GTSE1: variants seen among roughly 807,000 people sequenced by gnomAD.
GTSE1 encodes the protein G2 and S-phase expressed 1, also known as G2 and S phase-expressed protein 1.
GTSE1 carries 52 observed loss-of-function variants against 60.5 expected under a neutral mutation model. That is an observed-to-expected ratio of 0.86 (90% CI 0.69 to 1.08). The LOEUF (loss-of-function observed/expected upper bound fraction) is 1.08, where lower values mean the gene tolerates loss of function less well. Ranked by LOEUF, GTSE1 falls within the 50% of genes least tolerant of loss-of-function variation. The pLI is 0.00. For synonymous variants in GTSE1, 368 were observed against 386.5 expected, an observed-to-expected ratio of 0.95 and a Z score of 0.56; for missense variants, 937 against 961.8, an observed-to-expected ratio of 0.97 and a Z score of 0.34.
chr22:46,323,105 A>T, intron 7 of GTSE1, 85 bp from the exon 8 acceptor site: 3 of 880,206 alleles, frequency 3.4e-6, no homozygotes, highest in Non-Finnish European at 5.9e-6. Context: ...ATACTCGGAG[A>T]ATTGCCCATT....
chr22:46,298,338 C>T (rs1043892813), intron 2 of GTSE1, among the ~76,000 whole-genome samples: 4 of 151,876 alleles, frequency 2.6e-5, no homozygotes, highest in African/African-American at 7.3e-5. Flanking sequence ...GACCAAGTCT[C>T]ACTCTGTCTC....
In GTSE1 at chr22:46,312,364, G is replaced by A; in HGVS notation, c.927+59G>A. The A allele has an allele frequency of 3.3e-6, 5 of 1,499,302 alleles. No homozygotes were observed. In the South Asian group the frequency reaches 3.8e-5, roughly 11 times the overall value. 92.9% of individuals were successfully genotyped at this position (1,499,302 alleles called of 1,614,324 possible). ...GCTGGGAATGAGGTGGCAGCTGTGT[G>A]TACAAGTGCTTTGGATTAAAATCCC... On this transcript the variant is annotated intron_variant, in intron 5 of 11. Coordinates refer to ENST00000454366, the MANE Select transcript of GTSE1 (RefSeq NM_016426.7).
At position 46,309,002 on chromosome 22, in the gene GTSE1, C is replaced by G. The variant is rs1205355541; in HGVS notation, c.762+59C>G. 9 of 1,530,028 alleles carry G rather than the reference C, an allele frequency of 5.9e-6. No homozygotes were observed. Among genetic ancestry groups the G allele is most frequent in the African/African-American group, 1.4e-5 (1 of 72,392 alleles). 94.8% of individuals were successfully genotyped at this position (1,530,028 alleles called of 1,614,324 possible). Reference sequence around the variant, plus strand: ...CCCCCACTCCTTGCCCCTCAGCCCTCTCACAGAAGCCACATGCGGAAAGCC... The same window carrying G: ...CCCCCACTCCTTGCCCCTCAGCCCTGTCACAGAAGCCACATGCGGAAAGCC... On this transcript the variant is annotated intron_variant, in intron 4 of 11. Transcript: ENST00000454366. This position sits in a 1 kb window ranked among gnomAD's most constrained non-coding sequence, Gnocchi z 6.2.
At chr22:46,322,014 C>T (rs928903054) in intron 7 of GTSE1, among the ~76,000 whole-genome samples, 2 of 132,564 alleles carry the variant, frequency 1.5e-5, no homozygotes, top group Admixed American at 8.8e-5. Flanking sequence ...GCGGAGGTTG[C>T]GGTAAGCCGA....
At chr22:46,322,073 CA>C (rs769915567) in intron 7 of GTSE1, among the ~76,000 whole-genome samples, 5,259 of 44,602 alleles carry the variant, frequency 0.12, 38 homozygotes, top group Non-Finnish European at 0.16. Flanking sequence ...GACTCTGTCT[CA>C]AAAAAAAAAA....
Position 46,312,148 on chromosome 22 carries a change from AAG to A in GTSE1, c.774_775del (p.Glu258AspfsTer4), listed in dbSNP as rs757970094. 1.9e-6 allele frequency: 3 copies of A among 1,612,110 alleles called. No homozygotes were observed. In the East Asian group the frequency reaches 6.7e-5, roughly 36 times the overall value. On this transcript the variant is annotated frameshift_variant, in exon 5 of 12. Coordinates refer to ENST00000454366, the MANE Select transcript of GTSE1 (RefSeq NM_016426.7). LOFTEE classifies it high-confidence loss of function. Reference sequence around the variant, plus strand: ...TCAAATTAAAATTTTCAGCCCAAGAAAGAGATTCCAGCTAGTCCTTCCAGGAC... The same window carrying A: ...TCAAATTAAAATTTTCAGCCCAAGAAAGATTCCAGCTAGTCCTTCCAGGAC...
Position 46,330,142 on chromosome 22 carries a change from T to C in GTSE1, c.*12T>C, listed in dbSNP as rs758770397. On this transcript the variant is annotated 3_prime_UTR_variant, in exon 12 of 12. Transcript: ENST00000454366. This position sits in a 1 kb window ranked among gnomAD's most constrained non-coding sequence, Gnocchi z 6.0. The stretch of plus-strand genomic sequence containing the variant: ...TCCTCAAGTTCTAAGCCGAACCAAA[T>C]CCTTTGCCTTGAAAGAACAGCCCTA... 7 of 1,543,738 alleles carry C rather than the reference T, an allele frequency of 4.5e-6. No homozygotes were observed. In the Admixed American group the frequency reaches 1.2e-4, roughly 26 times the overall value.
Position 46,328,817 on chromosome 22 carries a change from T to G in GTSE1, c.1854T>G (p.Thr618=). 6.8e-6 allele frequency: 11 copies of G among 1,614,112 alleles called. No homozygotes were observed. The highest frequency in any genetic ancestry group is 9.3e-6 in the Non-Finnish European group (11 of 1,180,012). The part of the protein sequence containing the change: ...LNFSPEESDS[T]FSKSTATEVA... ...TTTCTCCAGAGGAAAGCGATTCTAC[T>G]TTCTCCAAAAGTACTGCCACAGAAG... Residue 618 remains threonine (T), a synonymous_variant, in exon 10 of 12, where the codon ACT becomes ACG. Transcript: ENST00000454366.
intron 2 of GTSE1, among the ~76,000 whole-genome samples, chr22:46,300,794 T>A (rs767912786): frequency 7.2e-5 from 11 of 152,134 alleles, no homozygotes; most frequent in Non-Finnish European, 1.0e-4. Flanking sequence ...CTGGATTCTT[T>A]TTCCACGCCA....
rs989221864 is a variant in GTSE1, at chr22:46,317,254, A to G, written c.1432+842A>G. ...ACTGCTGGGATTATAGGTGTGAGCC[A>G]CCGTGCCCGGCCCAGCCTTTTTCCT... On this transcript the variant is annotated intron_variant, in intron 7 of 11. Coordinates refer to ENST00000454366, the MANE Select transcript of GTSE1 (RefSeq NM_016426.7). The surrounding 1 kb of genome is among the most constrained non-coding windows in gnomAD (Gnocchi z 5.6). Among the ~76,000 whole-genome samples, 2 of 152,206 alleles carry G rather than the reference A, an allele frequency of 1.3e-5. No individual in the cohort carries two copies. Among genetic ancestry groups the G allele is most frequent in the African/African-American group, 4.8e-5 (2 of 41,452 alleles).
At chr22:46,305,236 T>C (rs2077709327) in intron 2 of GTSE1, among the ~76,000 whole-genome samples, 1 of 152,248 alleles carries the variant, frequency 6.6e-6, no homozygotes, top group Non-Finnish European at 1.5e-5. Flanking sequence ...ATTTCACCAG[T>C]TATTTTATGA....
rs201815677 is a variant in GTSE1 at position 46,326,464 on chromosome 22, C to A, written c.1534C>A (p.Arg512Ser). 366 of 1,608,930 alleles carry A rather than the reference C, an allele frequency of 2.3e-4. 1 individual carries two copies. Among genetic ancestry groups the A allele is most frequent in the Non-Finnish European group, 2.9e-5 (34 of 1,175,878 alleles). The change falls in exon 9 of 12, where the codon CGC becomes AGC. Residue 512 changes from arginine (R) to serine (S), a missense_variant. Arg to Ser is a moderately radical substitution (Grantham distance 110, BLOSUM62 -1). Coordinates refer to ENST00000454366, the MANE Select transcript of GTSE1 (RefSeq NM_016426.7). ...CACTGTCCACAGCACCCCGGTTAGA[C>A]GCTCATCTGGGCCAGCACCACAAAG... is the stretch of plus-strand genomic sequence containing the variant. ...RVTVHSTPVR[R>S]SSGPAPQSLL...
chr22:46,301,095 T>C lies in GTSE1; in HGVS notation c.79+3616T>C, dbSNP rs556221330. 2.0e-5 allele frequency among the ~76,000 whole-genome samples: 3 copies of C among 152,358 alleles called. No individual in the cohort carries two copies. The South Asian group carries it at 6.2e-4, about 32-fold the overall frequency. ...ACACATGAAGAGCATTACTAGCTTT[T>C]GTACCTATATAGGGTTCCACCTTGG... On this transcript the variant is annotated intron_variant, in intron 2 of 11. Transcript: ENST00000454366.
In GTSE1 at chr22:46,304,733, C is replaced by T. The variant is rs1212572614; in HGVS notation, c.80-3417C>T. On this transcript the variant is annotated intron_variant, in intron 2 of 11. Coordinates refer to ENST00000454366, the MANE Select transcript of GTSE1 (RefSeq NM_016426.7). This position sits in a 1 kb window ranked among gnomAD's most constrained non-coding sequence, Gnocchi z 4.4. ...GTAGCTCATACCTGTAATCCCAGCA[C>T]TTTGGGAGGCCAAGGTAGGAGGAAT... Among the ~76,000 whole-genome samples, 1 of 152,202 alleles carries T rather than the reference C, an allele frequency of 6.6e-6. No homozygotes were observed. Among genetic ancestry groups the T allele is most frequent in the African/African-American group, 2.4e-5 (1 of 41,440 alleles).
In GTSE1 at chr22:46,308,736, C is replaced by T. The variant is rs2077730941; in HGVS notation, c.555C>T (p.Ala185=). Residue 185 remains alanine, a synonymous_variant, in exon 4 of 12, where the codon GCC becomes GCT. Coordinates refer to ENST00000454366, the MANE Select transcript of GTSE1 (RefSeq NM_016426.7). The stretch of plus-strand genomic sequence containing the variant: ...CTGTGGGTGAGCCTCGGCTCTTGGC[C>T]TCCTCCCCGGCCCTGCCCAGCTCTG... The part of the protein sequence containing the change: ...GPPVGEPRLL[A]SSPALPSSGA... The T allele has an allele frequency of 6.2e-7, 1 of 1,613,452 alleles. No individual in the cohort carries two copies. Among genetic ancestry groups the T allele is most frequent in the South Asian group, 1.1e-5 (1 of 91,092 alleles).
Position 46,312,409 on chromosome 22 carries a change from G to T in GTSE1, c.927+104G>T, listed in dbSNP as rs2077753973. 6 of 1,124,960 alleles carry T rather than the reference G, an allele frequency of 5.3e-6. No homozygotes were observed. The South Asian group carries it at 6.2e-5, about 12-fold the overall frequency. The allele number at this position is 1,124,960 out of a possible 1,614,324, so 69.7% of individuals were successfully genotyped here. A position where few individuals can be genotyped will look rare whatever the true frequency, so the allele number is the denominator to read the frequency against. ...AATCCCAGCATTTTGGGAGGCCAAG[G>T]TGGGAGGATCACTTGAGCCCAGGAG... On this transcript the variant is annotated intron_variant, in intron 5 of 11. Coordinates refer to ENST00000454366, the MANE Select transcript of GTSE1 (RefSeq NM_016426.7).
Position 46,324,051 on chromosome 22 carries a change from C to T in GTSE1, c.1505+789C>T, listed in dbSNP as rs552534327. Reference sequence around the variant, plus strand: ...TGGTCTTTGATCCAGTTTAAGTTCCCGAATGTTGCTGACCTTTTTCCTCAC... The same window carrying T: ...TGGTCTTTGATCCAGTTTAAGTTCCTGAATGTTGCTGACCTTTTTCCTCAC... On this transcript the variant is annotated intron_variant, in intron 8 of 11. Transcript: ENST00000454366. The surrounding 1 kb of genome is among the most constrained non-coding windows in gnomAD (Gnocchi z 5.2). Among the ~76,000 whole-genome samples, 114 of 152,288 alleles carry T rather than the reference C, an allele frequency of 7.5e-4. No homozygotes were observed. Among genetic ancestry groups the T allele is most frequent in the African/African-American group, 2.4e-3 (100 of 41,570 alleles).
chr22:46,316,052 A>G lies in GTSE1; in HGVS notation c.1072A>G (p.Ser358Gly), dbSNP rs141650715. The change falls in exon 7 of 12, where the codon AGT becomes GGT. Residue 358 changes from serine (S) to glycine (G), a missense_variant. Ser to Gly is a moderately conservative substitution (Grantham distance 56, BLOSUM62 0). Coordinates refer to ENST00000454366, the MANE Select transcript of GTSE1 (RefSeq NM_016426.7). The surrounding 1 kb of genome is among the most constrained non-coding windows in gnomAD (Gnocchi z 5.0). Reference protein sequence around the residue: ...VGKAKSSEFASIPANSSRPLS... With the variant: ...VGKAKSSEFAGIPANSSRPLS... ...TCTAGCTAAATCAAGTGAATTTGCA[A>G]GTATTCCTGCAAATAGCTCCCGGCC... is the stretch of plus-strand genomic sequence containing the variant. 10 of 1,512,318 alleles carry G rather than the reference A, an allele frequency of 6.6e-6. No individual in the cohort carries two copies. In the African/African-American group the frequency reaches 8.4e-5, roughly 13 times the overall value. 93.7% of individuals were successfully genotyped at this position (1,512,318 alleles called of 1,614,324 possible). A position where few individuals can be genotyped will look rare whatever the true frequency, so the allele number is the denominator to read the frequency against.
chr22:46,315,935 T>G, intron 6 of GTSE1, 97 bp from the exon 7 acceptor site: 1 of 946,838 alleles, frequency 1.1e-6, no homozygotes, highest in Non-Finnish European at 1.6e-6. Flanking sequence ...TGTCTTATGT[T>G]TAAGGTAGAT....
Sources: gnomAD v4.1 joint callset for allele counts (sites outside exome capture counted in the v4.1 genomes callset) on GRCh38, gnomAD v4.1.1 for gene constraint, Gnocchi (gnomAD v3.1) non-coding constraint, MANE v1.5 for transcripts, NCBI Gene and HGNC (gene_info 2026-07-23, HGNC 2026-07-21) for gene names.